PDE11A: variants seen among roughly 807,000 people sequenced by gnomAD.
PDE11A encodes dual 3',5'-cyclic-AMP and -GMP phosphodiesterase 11A.
In PDE11A, 100 loss-of-function variants were observed where a neutral mutation model predicts 100.5. The observed-to-expected ratio is 1.00, with a 90% CI of 0.85 to 1.18. The LOEUF (loss-of-function observed/expected upper bound fraction) is 1.18. Ranked by LOEUF, PDE11A falls within the 50% of genes most tolerant of loss-of-function variation. The pLI is 0.00. For missense variants in PDE11A, 1,141 were observed against 1,152.6 expected, an observed-to-expected ratio of 0.99 and a Z score of 0.15; for synonymous variants, 381 against 420.8, an observed-to-expected ratio of 0.91 and a Z score of 1.16.
intron 2 of PDE11A, among the ~76,000 whole-genome samples, chr2:177,943,314 G>A (rs2085366570): frequency 1.3e-5 from 2 of 152,148 alleles, no homozygotes; most frequent in South Asian, 2.1e-4. Flanking sequence ...TCCAGAGCAG[G>A]TGCACCATTT....
At chr2:177,862,372 TGTAAA>T (rs1392699353) in intron 5 of PDE11A, among the ~76,000 whole-genome samples, 2 of 151,828 alleles carry the variant, frequency 1.3e-5, no homozygotes, top group African/African-American at 4.8e-5. Flanking sequence ...TCCAAGGAAC[TGTAAA>T]GTATACTTAC....
intron 2 of PDE11A, among the ~76,000 whole-genome samples, chr2:177,994,762 G>C (rs1020717402): frequency 7.2e-5 from 11 of 152,136 alleles, no homozygotes; most frequent in Non-Finnish European, 1.5e-4. Context: ...CTGCTGATCA[G>C]AAGTTTGCCA....
intron 2 of PDE11A, chr2:178,011,851 T>A (rs1466455766): frequency 6.6e-6 from 1 of 152,226 alleles, no homozygotes; most frequent in African/African-American, 2.4e-5. Flanking sequence ...CTAAGTAACT[T>A]GCCCAAGGTT....
intron 5 of PDE11A, among the ~76,000 whole-genome samples, chr2:177,848,011 T>C (rs2083631962): frequency 6.6e-6 from 1 of 152,114 alleles, no homozygotes; most frequent in South Asian, 2.1e-4. Flanking sequence ...TGTGTGTGTG[T>C]AGCCAACACA....
At chr2:177,973,146 G>A (rs78787233) in intron 2 of PDE11A, among the ~76,000 whole-genome samples, 9,345 of 150,340 alleles carry the variant, frequency 0.062, 303 homozygotes, top group South Asian at 0.092. Flanking sequence ...CGCAGAAGAC[G>A]GGTGATTTCT....
chr2:177,741,449 T>A (rs1014302248), intron 10 of PDE11A, among the ~76,000 whole-genome samples: 2 of 152,112 alleles, frequency 1.3e-5, no homozygotes, highest in African/African-American at 4.8e-5. Flanking sequence ...ACATATGAAT[T>A]TGGGAGTGGG....
intron 12 of PDE11A, among the ~76,000 whole-genome samples, chr2:177,720,600 G>A (rs1353045104): frequency 6.6e-6 from 1 of 152,160 alleles, no homozygotes; most frequent in Non-Finnish European, 1.5e-5. Flanking sequence ...CCAGCTGATA[G>A]GGAATCACCA....
intron 2 of PDE11A, among the ~76,000 whole-genome samples, chr2:177,910,993 A>G (rs964078430): frequency 6.6e-6 from 1 of 152,218 alleles, no homozygotes; most frequent in Non-Finnish European, 1.5e-5. Flanking sequence ...TTGAAGAGCC[A>G]CATCACTGTC....
intron 6 of PDE11A, among the ~76,000 whole-genome samples, chr2:177,824,146 A>G (rs1254713287): frequency 6.6e-6 from 1 of 151,798 alleles, no homozygotes; most frequent in Non-Finnish European, 1.5e-5. Flanking sequence ...TCCCATCCCC[A>G]TGGAGGATAA....
chr2:177,984,032 C>T (rs527378167), intron 2 of PDE11A, among the ~76,000 whole-genome samples: 1 of 152,284 alleles, frequency 6.6e-6, no homozygotes, highest in Non-Finnish European at 1.5e-5. Context: ...CTCGTATTTC[C>T]TTCTATGAAA....
At chr2:177,917,228 C>T (rs549927110) in intron 2 of PDE11A, among the ~76,000 whole-genome samples, 4 of 152,258 alleles carry the variant, frequency 2.6e-5, no homozygotes, top group African/African-American at 9.6e-5. Context: ...TCACCCAATT[C>T]CAAATCCTGG....
At position 177,875,894 on chromosome 2, in the gene PDE11A, CA is replaced by C; in HGVS notation, c.1331del (p.Leu444Ter). The C allele has an allele frequency of 6.2e-7, 1 of 1,612,000 alleles. No individual in the cohort carries two copies. The highest frequency in any genetic ancestry group is 8.5e-7 in the Non-Finnish European group (1 of 1,178,124). ...PVVKFTKSFELMSPKCSADAE... is the reference protein window; with the variant it reads ...PVVKFTKSFEXMSPKCSADAE... ...CATCAGCACTGCACTTTGGGGACAT[CA>C]ATTCAAAGGATTTGGTAAATTTCAC... On this transcript the variant is annotated frameshift_variant, in exon 5 of 20. Coordinates refer to ENST00000286063, the MANE Select transcript of PDE11A (RefSeq NM_016953.4). LOFTEE classifies it high-confidence loss of function.
chr2:178,011,657 G>A (rs1383861443), intron 2 of PDE11A, among the ~76,000 whole-genome samples: 1 of 152,134 alleles, frequency 6.6e-6, no homozygotes, highest in African/African-American at 2.4e-5. Context: ...ACATACACAT[G>A]ATACCTCACA....
upstream of PDE11A, among the ~76,000 whole-genome samples, chr2:178,073,757 G>C (rs1221222093): frequency 6.6e-6 from 1 of 152,146 alleles, no homozygotes; most frequent in Non-Finnish European, 1.5e-5. Context: ...AGTAAAGATG[G>C]TTAGTGATAT....
intron 6 of PDE11A, among the ~76,000 whole-genome samples, chr2:177,825,719 A>C (rs552657904): frequency 6.6e-6 from 1 of 152,310 alleles, no homozygotes; most frequent in Non-Finnish European, 1.5e-5. Flanking sequence ...CCAACTCTCC[A>C]TATCAAATCA....
chr2:177,981,476 T>C (rs1004529727), intron 2 of PDE11A, among the ~76,000 whole-genome samples: 1 of 150,658 alleles, frequency 6.6e-6, no homozygotes, highest in African/African-American at 2.4e-5. Context: ...AGTCTTCACA[T>C]GGCATTCTCC....
chr2:177,895,576 G>T (rs2084600567), intron 4 of PDE11A, among the ~76,000 whole-genome samples: 1 of 151,836 alleles, frequency 6.6e-6, no homozygotes, highest in Non-Finnish European at 1.5e-5. Context: ...AAGCTATTCT[G>T]CCTTTAAAAA....
chr2:177,757,560 G>A (rs1193217763), intron 10 of PDE11A, among the ~76,000 whole-genome samples: 1 of 152,176 alleles, frequency 6.6e-6, no homozygotes, highest in African/African-American at 2.4e-5. Flanking sequence ...TTTAAAGTCC[G>A]TCCACTTGTA....
At chr2:178,049,274 G>T (rs1220533231) in intron 1 of PDE11A, among the ~76,000 whole-genome samples, 1 of 152,188 alleles carries the variant, frequency 6.6e-6, no homozygotes, top group Non-Finnish European at 1.5e-5. Context: ...TAACTCAAAA[G>T]AACTTTCTGA....
Sources: gnomAD v4.1 joint callset for allele counts (sites outside exome capture counted in the v4.1 genomes callset) on GRCh38, gnomAD v4.1.1 for gene constraint, MANE v1.5 for transcripts, NCBI Gene and HGNC (gene_info 2026-07-23, HGNC 2026-07-21) for gene names.